The following SLC25A30 variants were observed in gnomAD, a reference collection of about 807,000 sequenced individuals.
The protein encoded by SLC25A30 is solute carrier family 25 member 30.
Under a neutral mutation model 42.7 loss-of-function variants are expected in SLC25A30, and 29 were observed. The ratio of observed to expected loss-of-function variants is 0.68; its 90% CI spans 0.51 to 0.93. The LOEUF (loss-of-function observed/expected upper bound fraction) is 0.93, where lower values mean the gene tolerates loss of function less well. Ranked by LOEUF, SLC25A30 falls within the 40% of genes least tolerant of loss-of-function variation. SLC25A30 has a pLI of 0.00. For missense variants in SLC25A30, 300 were observed against 359.7 expected, an observed-to-expected ratio of 0.83 and a Z score of 1.34; for synonymous variants, 124 against 131.0, an observed-to-expected ratio of 0.95 and a Z score of 0.37.
At chr13:45,412,580 T>C (rs1011278072) in intron 1 of SLC25A30, among the ~76,000 whole-genome samples, 1 of 152,172 alleles carries the variant, frequency 6.6e-6, no homozygotes, top group Non-Finnish European at 1.5e-5. Flanking sequence ...GCCAACACCA[T>C]CATCACCACA....
chr13:45,430,470 CTG>C, the SLC25A30 span, among the ~76,000 whole-genome samples: 1 of 152,164 alleles, frequency 6.6e-6, no homozygotes, highest in African/African-American at 2.4e-5. Context: ...AAGCAGATAA[CTG>C]TTCTTTTCAT....
At chr13:45,430,244 CTG>C in the SLC25A30 span, among the ~76,000 whole-genome samples, 8 of 112,576 alleles carry the variant, frequency 7.1e-5, no homozygotes, top group Admixed American at 1.6e-4. Context: ...TAGTGAGAAA[CTG>C]TGTTTGCGTG....
the SLC25A30 span, among the ~76,000 whole-genome samples, chr13:45,425,479 T>G: frequency 8.9e-6 from 1 of 112,330 alleles, no homozygotes; most frequent in East Asian, 2.3e-4. Context: ...TATATAAGCA[T>G]ATATAAATAT....
chr13:45,424,723 A>C, the SLC25A30 span, among the ~76,000 whole-genome samples: 1 of 65,446 alleles, frequency 1.5e-5, no homozygotes, highest in African/African-American at 5.7e-5. Flanking sequence ...ATATAAATAT[A>C]TATAAATATG....
chr13:45,417,439 C>T (rs1883631783), intron 1 of SLC25A30, among the ~76,000 whole-genome samples: 2 of 152,192 alleles, frequency 1.3e-5, no homozygotes, highest in Admixed American at 6.5e-5. Context: ...CCTTGCTGGA[C>T]CGACTGCCCT....
In SLC25A30 at chr13:45,398,265, A is replaced by G. The variant is rs567779055; in HGVS notation, c.753+675T>C. 650 of 153,482 alleles carry G rather than the reference A, an allele frequency of 4.2e-3. 2 individuals are homozygous for G. The highest frequency in any genetic ancestry group is 6.6e-3 in the Non-Finnish European group (459 of 69,126). The allele number at this position is 153,482 out of a possible 1,614,324, so 9.5% of individuals were successfully genotyped here. A position where few individuals can be genotyped will look rare whatever the true frequency, so the allele number is the denominator to read the frequency against. ...AGTGGGAGCTAAACAATGGGTACAC[A>G]CGGACATAAAGATAGAAGTAACAGA... On this transcript the variant is annotated intron_variant, in intron 8 of 9. Transcript: ENST00000519676.
At chr13:45,419,105 T>C (rs1305405455), upstream of SLC25A30, among the ~76,000 whole-genome samples, 1 of 126,008 alleles carries the variant, frequency 7.9e-6, no homozygotes, top group Non-Finnish European at 1.6e-5. Context: ...CACTCCAGCC[T>C]GGGCGACAAA....
intron 7 of SLC25A30, among the ~76,000 whole-genome samples, chr13:45,400,482 T>C (rs1881864467): frequency 6.6e-6 from 1 of 152,130 alleles, no homozygotes; most frequent in Non-Finnish European, 1.5e-5. Flanking sequence ...TCAAAGATAT[T>C]TGGAATATGT....
the SLC25A30 span, among the ~76,000 whole-genome samples, chr13:45,423,953 A>G: frequency 1.1e-5 from 1 of 90,128 alleles, no homozygotes; most frequent in Non-Finnish European, 1.9e-5. Context: ...AAAAAAATAT[A>G]TGAATATATA....
At chr13:45,425,338 G>T in the SLC25A30 span, among the ~76,000 whole-genome samples, 1 of 104,910 alleles carries the variant, frequency 9.5e-6, no homozygotes, top group African/African-American at 3.9e-5. Context: ...CTATATATAA[G>T]TATATATAAC....
the SLC25A30 span, among the ~76,000 whole-genome samples, chr13:45,423,805 T>C: frequency 8.2e-3 from 534 of 65,202 alleles, 2 homozygotes; most frequent in Non-Finnish European, 0.013. Flanking sequence ...TATATATTTA[T>C]ATATATAAAA....
chr13:45,426,736 C>T, the SLC25A30 span, among the ~76,000 whole-genome samples: 1 of 152,116 alleles, frequency 6.6e-6, no homozygotes, highest in Non-Finnish European at 1.5e-5. Context: ...TTAATACAAT[C>T]AGTACAATGT....
chr13:45,429,069 T>C, the SLC25A30 span, among the ~76,000 whole-genome samples: 2 of 58,802 alleles, frequency 3.4e-5, no homozygotes, highest in South Asian at 8.8e-4. Context: ...TTTTTTTTTT[T>C]TTTTTTTTTT....
At chr13:45,402,725 G>A (rs1343689093) in intron 5 of SLC25A30, 7 of 961,948 alleles carry the variant, frequency 7.3e-6, no homozygotes, top group Non-Finnish European at 8.7e-6. Context: ...TAATTTCAAA[G>A]GTTTAATCTA....
At chr13:45,425,213 T>TATACGTATGTATATAA in the SLC25A30 span, among the ~76,000 whole-genome samples, 3 of 102,864 alleles carry the variant, frequency 2.9e-5, no homozygotes, top group African/African-American at 8.1e-5. Flanking sequence ...TAAGTATATA[T>TATACGTATGTATATAA]ATACGTATGT....
chr13:45,413,945 T>C lies in SLC25A30; in HGVS notation c.-55-2465A>G, dbSNP rs116703057. Among the ~76,000 whole-genome samples, 416 of 152,352 alleles carry C rather than the reference T, an allele frequency of 2.7e-3. 3 individuals are homozygous for C. The highest frequency in any genetic ancestry group is 9.3e-3 in the African/African-American group (388 of 41,600). ...TGGTTAGGTTAAAATCCAGAGGCTC[T>C]GGGTTAATACTAATATGCAAATACT... On this transcript the variant is annotated intron_variant, in intron 1 of 9. Transcript: ENST00000519676.
the SLC25A30 span, among the ~76,000 whole-genome samples, chr13:45,430,056 A>AT: frequency 1.4e-4 from 21 of 151,396 alleles, no homozygotes; most frequent in South Asian, 2.5e-3. Context: ...ATGAAGCTAA[A>AT]TTTTTTTTTA....
Position 45,398,970 on chromosome 13 carries a change from G to T in SLC25A30, c.723C>A (p.Gly241=). 6.2e-7 allele frequency: 1 copy of T among 1,614,130 alleles called. No individual in the cohort carries two copies. The highest frequency in any genetic ancestry group is 1.1e-5 in the South Asian group (1 of 91,086). The change falls in exon 8 of 10, where the codon GGC becomes GGA. Residue 241 remains glycine (G), a synonymous_variant. Coordinates refer to ENST00000519676, the MANE Select transcript of SLC25A30 (RefSeq NM_001010875.4). ...ACAAGCAATCCAGGGTTCCTGTGTA[G>T]CCAGAACATCTGCCATCTCGAAGCA... is the stretch of plus-strand genomic sequence containing the variant. ...QRVLRDGRCS[G]YTGTLDCLLQ...
In SLC25A30 at chr13:45,394,912, C is replaced by A; in HGVS notation, c.*1062G>T. 5 of 985,380 alleles carry A rather than the reference C, an allele frequency of 5.1e-6. No homozygotes were observed. Among genetic ancestry groups the A allele is most frequent in the Non-Finnish European group, 6.0e-6 (5 of 829,870 alleles). The allele number at this position is 985,380 out of a possible 1,614,324, so 61.0% of individuals were successfully genotyped here. On this transcript the variant is annotated 3_prime_UTR_variant, in exon 10 of 10. Transcript: ENST00000519676. Reference sequence around the variant, plus strand: ...AACTGGAAACCTGGAAAAATCAACTCTTTGATTCACTACCAACATTTTGCT... The same window carrying A: ...AACTGGAAACCTGGAAAAATCAACTATTTGATTCACTACCAACATTTTGCT...
Sources: allele counts gnomAD v4.1 joint callset (sites outside exome capture counted in the v4.1 genomes callset), GRCh38; gene constraint gnomAD v4.1.1; transcripts MANE v1.5; gene names NCBI Gene and HGNC (gene_info 2026-07-23, HGNC 2026-07-21).